ATP8B4: variants seen among roughly 807,000 people sequenced by gnomAD.
ATP8B4 encodes ATPase phospholipid transporting 8B4 (putative), also known as probable phospholipid-transporting ATPase IM.
In ATP8B4, 133 loss-of-function variants were observed where a neutral mutation model predicts 145.6. That is an observed-to-expected ratio of 0.91 (90% CI 0.79 to 1.05). ATP8B4 has a LOEUF of 1.05. ATP8B4 is among the 50% of genes least tolerant of loss of function. ATP8B4 has a pLI of 0.00. For synonymous variants in ATP8B4, 507 were observed against 492.9 expected (o/e 1.03, Z -0.38); for missense variants, 1,458 against 1,425.2 (o/e 1.02, Z -0.37).
At chr15:50,073,999 A>C in intron 3 of ATP8B4, 128 bp downstream of exon 3, 2 of 651,368 alleles carry the variant, frequency 3.1e-6, no homozygotes, top group Admixed American at 3.0e-5. Context: ...AATATATGTC[A>C]CCTTGCTGTC....
intron 3 of ATP8B4, among the ~76,000 whole-genome samples, chr15:50,068,465 AT>A (rs1567298160): frequency 6.6e-6 from 1 of 152,214 alleles, no homozygotes; most frequent in Non-Finnish European, 1.5e-5. Flanking sequence ...CAGCATTAGA[AT>A]CATAATTTTT....
intron 14 of ATP8B4, among the ~76,000 whole-genome samples, chr15:49,960,018 T>C (rs2043924311): frequency 6.8e-6 from 1 of 147,762 alleles, no homozygotes; most frequent in Non-Finnish European, 1.5e-5. Flanking sequence ...TTGAGCCTTG[T>C]CAATAATTTT....
chr15:50,111,629 C>T lies in ATP8B4; in HGVS notation c.-42-4621G>A, dbSNP rs1318056281. 5.3e-5 allele frequency among the ~76,000 whole-genome samples: 8 copies of T among 152,178 alleles called. No individual in the cohort carries two copies. In the East Asian group the frequency reaches 7.7e-4, roughly 15 times the overall value. ...TAGAAGCCTGTCCTTTGGGGCCACA[C>T]GCCCTGTTCTTGGATTCCTGCTTTT... On this transcript the variant is annotated intron_variant, in intron 1 of 27. Transcript: ENST00000284509.
chr15:50,072,020 TAATA>T (rs549187673), intron 3 of ATP8B4, among the ~76,000 whole-genome samples: 34 of 120,660 alleles, frequency 2.8e-4, no homozygotes, highest in African/African-American at 1.0e-3. Context: ...TCCTAAATAT[TAATA>T]AATATTAATA....
chr15:50,160,001 G>A (rs1364712188), intron 1 of ATP8B4, among the ~76,000 whole-genome samples: 4 of 133,874 alleles, frequency 3.0e-5, no homozygotes, highest in Admixed American at 7.6e-5. Context: ...ATAAAATTCA[G>A]CATCAGGTCC....
intron 3 of ATP8B4, among the ~76,000 whole-genome samples, chr15:50,069,076 C>G (rs2053564057): frequency 6.6e-6 from 1 of 152,074 alleles, no homozygotes; most frequent in Non-Finnish European, 1.5e-5. Flanking sequence ...ATTATTCATT[C>G]CTATTATTAA....
At chr15:50,024,300 C>A (rs1203512052) in intron 6 of ATP8B4, among the ~76,000 whole-genome samples, 1 of 152,124 alleles carries the variant, frequency 6.6e-6, no homozygotes, top group East Asian at 1.9e-4. Flanking sequence ...AAAAAAACCT[C>A]AGCTCTTCCC....
chr15:49,972,519 T>A, intron 13 of ATP8B4, 63 bp downstream of exon 13: 1 of 1,503,926 alleles, frequency 6.6e-7, no homozygotes, highest in Non-Finnish European at 9.0e-7. Context: ...TTTTTTTTAA[T>A]GGGGTCAGTT....
intron 1 of ATP8B4, among the ~76,000 whole-genome samples, chr15:50,141,913 T>C (rs1393275629): frequency 6.6e-6 from 1 of 152,190 alleles, no homozygotes; most frequent in Non-Finnish European, 1.5e-5. Flanking sequence ...GAGAGAGGTG[T>C]TGCGGTAAGC....
rs2031280393 is a variant in ATP8B4, at chr15:49,859,708, A to G, written c.*486T>C. On this transcript the variant is annotated 3_prime_UTR_variant, in exon 28 of 28. Coordinates refer to ENST00000284509, the MANE Select transcript of ATP8B4 (RefSeq NM_024837.4). ...AAAGAGTGACATGCAACTCAGTCTGAAAGCAACACAGTACACGCTTTAAAT... is the reference window on the plus strand; with the variant it reads ...AAAGAGTGACATGCAACTCAGTCTGGAAGCAACACAGTACACGCTTTAAAT... 6.5e-6 allele frequency: 1 copy of G among 154,236 alleles called. No homozygotes were observed. The highest frequency in any genetic ancestry group is 2.4e-5 in the African/African-American group (1 of 41,462). The allele number at this position is 154,236 out of a possible 1,614,324, so 9.6% of individuals were successfully genotyped here.
At chr15:49,888,482 G>A (rs1232816972) in intron 23 of ATP8B4, among the ~76,000 whole-genome samples, 5 of 152,014 alleles carry the variant, frequency 3.3e-5, no homozygotes, top group African/African-American at 1.2e-4. Flanking sequence ...ATTGTCATCA[G>A]ATAATATCAT....
intron 2 of ATP8B4, among the ~76,000 whole-genome samples, chr15:50,082,369 T>C (rs1029153492): frequency 2.0e-5 from 3 of 151,520 alleles, no homozygotes; most frequent in Non-Finnish European, 4.4e-5. Context: ...CCAAAGAGAA[T>C]AGAAGGAAAA....
intron 15 of ATP8B4, among the ~76,000 whole-genome samples, chr15:49,933,805 C>A (rs1401491831): frequency 2.6e-5 from 4 of 152,040 alleles, no homozygotes; most frequent in African/African-American, 7.2e-5. Flanking sequence ...AATCTCTCCA[C>A]ATTTTTTCAA....
At chr15:50,017,550 T>C (rs1043474563) in intron 6 of ATP8B4, among the ~76,000 whole-genome samples, 2 of 152,218 alleles carry the variant, frequency 1.3e-5, no homozygotes, top group Non-Finnish European at 2.9e-5. Flanking sequence ...CTGGATATCT[T>C]AGTTCCAGGA....
chr15:50,016,261 A>G (rs928860805), intron 6 of ATP8B4, among the ~76,000 whole-genome samples: 2 of 152,170 alleles, frequency 1.3e-5, no homozygotes, highest in Non-Finnish European at 2.9e-5. Flanking sequence ...TCTTCTGTAG[A>G]TTCTTAGTAG....
chr15:50,153,485 C>T (rs1203843656), intron 1 of ATP8B4, among the ~76,000 whole-genome samples: 1 of 152,146 alleles, frequency 6.6e-6, no homozygotes, highest in Non-Finnish European at 1.5e-5. Flanking sequence ...ACTACAGGCG[C>T]CTGCCACCGT....
Position 50,030,800 on chromosome 15 carries a change from G to C in ATP8B4, c.362+7968C>G, listed in dbSNP as rs1473136278. Among the ~76,000 whole-genome samples the C allele has an allele frequency of 2.6e-5, 4 of 152,174 alleles. No individual in the cohort carries two copies. In the East Asian group the frequency reaches 7.7e-4, roughly 29 times the overall value. ...GAAACCCATGTGCAGAGTTTTGAAA[G>C]TGTTATAATTTCCTCTTATTTCAAG... On this transcript the variant is annotated intron_variant, in intron 6 of 27. Transcript: ENST00000284509.
At chr15:49,971,877 C>T (rs1002365369) in intron 13 of ATP8B4, among the ~76,000 whole-genome samples, 1 of 152,082 alleles carries the variant, frequency 6.6e-6, no homozygotes, top group Non-Finnish European at 1.5e-5. Context: ...TACCCAAATG[C>T]CCATCAGTGA....
chr15:50,006,132 T>C (rs1403703457), intron 7 of ATP8B4, among the ~76,000 whole-genome samples: 1 of 152,100 alleles, frequency 6.6e-6, no homozygotes, highest in South Asian at 2.1e-4. Flanking sequence ...TAAATGCATA[T>C]TGATTACTAA....
Sources: gnomAD v4.1 joint callset for allele counts (sites outside exome capture counted in the v4.1 genomes callset) on GRCh38, gnomAD v4.1.1 for gene constraint, MANE v1.5 for transcripts, NCBI Gene and HGNC (gene_info 2026-07-23, HGNC 2026-07-21) for gene names.